SPAG16: variants seen among roughly 807,000 people sequenced by gnomAD.
The protein encoded by SPAG16 is sperm associated antigen 16.
A neutral mutation model predicts 80.4 loss-of-function variants in SPAG16; 86 were observed. The ratio of observed to expected loss-of-function variants is 1.07; its 90% CI spans 0.90 to 1.28. SPAG16 has a LOEUF of 1.28. SPAG16 is among the 50% of genes most tolerant of loss of function. The pLI, the probability that SPAG16 is intolerant of heterozygous loss-of-function variation, is 0.00. For synonymous variants in SPAG16, 294 were observed against 265.9 expected, an observed-to-expected ratio of 1.11 and a Z score of -1.03; for missense variants, 870 against 765.3, an observed-to-expected ratio of 1.14 and a Z score of -1.61.
intron 10 of SPAG16, among the ~76,000 whole-genome samples, chr2:213,857,998 T>C (rs1233140331): frequency 6.6e-6 from 1 of 152,196 alleles, no homozygotes; most frequent in Admixed American, 6.6e-5. Flanking sequence ...GAAAATGCGA[T>C]TCAATTGCTA....
At chr2:213,993,287 TA>T in intron 12 of SPAG16, among the ~76,000 whole-genome samples, 1 of 152,186 alleles carries the variant, frequency 6.6e-6, no homozygotes, top group South Asian at 2.1e-4. Flanking sequence ...TGCTTATAAC[TA>T]GGAAGCATCA....
chr2:214,239,846 TGGG>T (rs1689341077), intron 15 of SPAG16: 1 of 152,132 alleles, frequency 6.6e-6, no homozygotes. Context: ...CTGCATAAAT[TGGG>T]AAGCATATGC....
chr2:214,062,397 C>T lies in SPAG16; in HGVS notation c.1528-45799C>T, dbSNP rs189408696. ...TCGTGCCACTGCACTCCAGCCTGGG[C>T]GGCAGAGCACGACTCTGACTCAAAA... On this transcript the variant is annotated intron_variant, in intron 13 of 15. Transcript: ENST00000331683. Among the ~76,000 whole-genome samples, 552 of 117,114 alleles carry T rather than the reference C, an allele frequency of 4.7e-3. 6 individuals are homozygous for T. The highest frequency in any genetic ancestry group is 0.023 in the Middle Eastern group (4 of 174). 76.8% of individuals were successfully genotyped at this position (117,114 alleles called of 152,430 possible). A position where few individuals can be genotyped will look rare whatever the true frequency, so the allele number is the denominator to read the frequency against.
intron 15 of SPAG16, among the ~76,000 whole-genome samples, chr2:214,177,996 TA>T: frequency 1.5e-5 from 1 of 64,802 alleles, no homozygotes; most frequent in African/African-American, 3.3e-5. Flanking sequence ...TATATATATA[TA>T]TATATATATA....
intron 10 of SPAG16, among the ~76,000 whole-genome samples, chr2:213,598,804 A>T (rs1574442537): frequency 6.6e-6 from 1 of 152,200 alleles, no homozygotes; most frequent in East Asian, 1.9e-4. Context: ...TTCACATGAC[A>T]TATTTTGGTA....
chr2:213,432,325 A>G (rs1398019805), intron 9 of SPAG16, among the ~76,000 whole-genome samples: 2 of 152,144 alleles, frequency 1.3e-5, no homozygotes, highest in Non-Finnish European at 2.9e-5. Context: ...AAGATAAACA[A>G]AATTGATAAA....
intron 9 of SPAG16, among the ~76,000 whole-genome samples, chr2:213,447,513 A>C (rs894853968): frequency 6.6e-6 from 1 of 152,162 alleles, no homozygotes; most frequent in Non-Finnish European, 1.5e-5. Context: ...TGGGACTCCA[A>C]TTGGCATTAT....
intron 10 of SPAG16, among the ~76,000 whole-genome samples, chr2:213,778,625 A>G (rs2069749545): frequency 6.6e-6 from 1 of 152,108 alleles, no homozygotes; most frequent in Non-Finnish European, 1.5e-5. Context: ...TCATACTCTT[A>G]GTACACATTT....
intron 5 of SPAG16, among the ~76,000 whole-genome samples, chr2:213,333,004 G>A (rs910230895): frequency 5.3e-5 from 8 of 151,926 alleles, no homozygotes; most frequent in Non-Finnish European, 1.0e-4. Context: ...ATGTAGTAGT[G>A]GAAGTCCAAG....
At chr2:214,074,720 A>C (rs1439724375) in intron 13 of SPAG16, among the ~76,000 whole-genome samples, 1 of 152,186 alleles carries the variant, frequency 6.6e-6, no homozygotes, top group Non-Finnish European at 1.5e-5. Context: ...ATTAAAAAAC[A>C]GGCAAGAGAT....
chr2:213,959,437 A>C (rs1457060918), intron 12 of SPAG16, among the ~76,000 whole-genome samples: 1 of 152,148 alleles, frequency 6.6e-6, no homozygotes, highest in Non-Finnish European at 1.5e-5. Flanking sequence ...GGTTGTTTAG[A>C]TATAGCCTGT....
intron 10 of SPAG16, among the ~76,000 whole-genome samples, chr2:213,496,703 A>G (rs952645097): frequency 2.0e-5 from 3 of 151,136 alleles, no homozygotes; most frequent in African/African-American, 7.3e-5. Context: ...ATACATATCC[A>G]TATATACATA....
At position 213,801,396 on chromosome 2, in the gene SPAG16, G is replaced by A. The variant is rs377121103; in HGVS notation, c.1071-61089G>A. On this transcript the variant is annotated intron_variant, in intron 10 of 15. Transcript: ENST00000331683. The stretch of plus-strand genomic sequence containing the variant: ...CATTTATTTCCATTGTTTTCACCAC[G>A]TACTAAAAGATAGAAAGAACAAGAC... 4.9e-4 allele frequency among the ~76,000 whole-genome samples: 74 copies of A among 152,264 alleles called. 1 individual carries two copies. The South Asian group carries it at 0.013, about 27-fold the overall frequency.
intron 10 of SPAG16, among the ~76,000 whole-genome samples, chr2:213,861,793 G>C (rs1355750397): frequency 1.3e-5 from 2 of 152,150 alleles, no homozygotes; most frequent in Non-Finnish European, 2.9e-5. Flanking sequence ...AAATAATAGT[G>C]CTTAATGTGT....
At chr2:213,414,151 T>C (rs1415312117) in intron 9 of SPAG16, among the ~76,000 whole-genome samples, 1 of 152,186 alleles carries the variant, frequency 6.6e-6, no homozygotes, top group South Asian at 2.1e-4. Context: ...AATGCAAAAA[T>C]ATGTGCAGTA....
At chr2:213,807,747 G>T (rs1265141295) in intron 10 of SPAG16, among the ~76,000 whole-genome samples, 2 of 152,160 alleles carry the variant, frequency 1.3e-5, no homozygotes, top group Non-Finnish European at 2.9e-5. Context: ...TAGTTAAGGT[G>T]TGCCTTAATT....
intron 10 of SPAG16, among the ~76,000 whole-genome samples, chr2:213,776,611 T>C (rs1469238216): frequency 6.6e-6 from 1 of 152,180 alleles, no homozygotes; most frequent in Non-Finnish European, 1.5e-5. Context: ...TTGTAAAAGT[T>C]GTGAGGGTGA....
In SPAG16 at chr2:213,300,771, T is replaced by A. The variant is rs150136135; in HGVS notation, c.279+3414T>A. 1.7e-4 allele frequency among the ~76,000 whole-genome samples: 26 copies of A among 152,280 alleles called. 1 individual carries two copies. Among genetic ancestry groups the A allele is most frequent in the African/African-American group, 6.3e-4 (26 of 41,592 alleles). ...TAAAATTTAATATCCAATATATAATTCTTGATAGGTATAACTCAGATAAAT... is the reference window on the plus strand; with the variant it reads ...TAAAATTTAATATCCAATATATAATACTTGATAGGTATAACTCAGATAAAT... On this transcript the variant is annotated intron_variant, in intron 3 of 15. Coordinates refer to ENST00000331683, the MANE Select transcript of SPAG16 (RefSeq NM_024532.5).
intron 15 of SPAG16, among the ~76,000 whole-genome samples, chr2:214,220,448 T>C (rs1244881884): frequency 6.6e-6 from 1 of 152,142 alleles, no homozygotes; most frequent in African/African-American, 2.4e-5. Context: ...CATTTGAGTT[T>C]GTTAATTTTT....
Sources: gnomAD v4.1 joint callset for allele counts (sites outside exome capture counted in the v4.1 genomes callset) on GRCh38, gnomAD v4.1.1 for gene constraint, MANE v1.5 for transcripts, NCBI Gene and HGNC (gene_info 2026-07-23, HGNC 2026-07-21) for gene names.